PARVA: variants seen among roughly 807,000 people sequenced by gnomAD.
PARVA encodes alpha-parvin.
A neutral mutation model predicts 52.6 loss-of-function variants in PARVA; 25 were observed. That is an observed-to-expected ratio of 0.48 (90% confidence interval 0.35 to 0.66). PARVA has a LOEUF of 0.66. PARVA is among the 30% of genes least tolerant of loss of function. PARVA has a pLI of 0.01. For missense variants in PARVA, 373 were observed against 450.9 expected (o/e 0.83, Z 1.56); for synonymous variants, 185 against 179.1 (o/e 1.03, Z -0.26).
intron 4 of PARVA, among the ~76,000 whole-genome samples, chr11:12,491,240 G>A (rs561420840): frequency 1.3e-5 from 2 of 152,286 alleles, no homozygotes; most frequent in South Asian, 4.1e-4. Flanking sequence ...ACAGCCGACT[G>A]TAGCCTCTAC....
At chr11:12,443,663 T>C (rs922752366) in intron 1 of PARVA, among the ~76,000 whole-genome samples, 1 of 151,354 alleles carries the variant, frequency 6.6e-6, no homozygotes, top group African/African-American at 2.4e-5. Context: ...CAACCATGTT[T>C]CTAGGCTCTG....
At chr11:12,410,284 A>G (rs1046429797) in intron 1 of PARVA, among the ~76,000 whole-genome samples, 11 of 152,146 alleles carry the variant, frequency 7.2e-5, no homozygotes, top group African/African-American at 2.2e-4. Context: ...CCTCATCTTC[A>G]GGGCTCAGCC....
rs1195269110 is a variant in PARVA at position 12,423,350 on chromosome 11, TG to T, written c.136+45568del. Among the ~76,000 whole-genome samples the T allele has an allele frequency of 1.1e-3, 135 of 127,140 alleles. 2 individuals are homozygous for T. Among genetic ancestry groups the T allele is most frequent in the African/African-American group, 2.9e-3 (100 of 34,434 alleles). The allele number at this position is 127,140 out of a possible 152,430, so 83.4% of individuals were successfully genotyped here. ...TGCGCCACCATGCGTGGCTAATTTTTGTTTTTTTTTTTTTTTTTTTGGTAGA... is the reference window on the plus strand; with the variant it reads ...TGCGCCACCATGCGTGGCTAATTTTTTTTTTTTTTTTTTTTTTTTGGTAGA... On this transcript the variant is annotated intron_variant, in intron 1 of 12. Transcript: ENST00000334956.
rs75172314 is a variant in PARVA, at chr11:12,532,273, C to T, written c.*4348C>T. ...AAATGTTAGATGAAAAAAAAAGTCACGTTTAAATATGTTTAGGAAACATGA... is the reference window on the plus strand; with the variant it reads ...AAATGTTAGATGAAAAAAAAAGTCATGTTTAAATATGTTTAGGAAACATGA... On this transcript the variant is annotated 3_prime_UTR_variant, in exon 13 of 13. Transcript: ENST00000334956. Among the ~76,000 whole-genome samples the T allele has an allele frequency of 6.6e-6, 1 of 152,060 alleles. No individual in the cohort carries two copies. The highest frequency in any genetic ancestry group is 6.5e-5 in the Admixed American group (1 of 15,272).
rs182419370 is a variant in PARVA at position 12,491,707 on chromosome 11, A to T, written c.401-4751A>T. ...ACTTTTGTATATCAAATATTTAAAAATTTAAAATGATAATCATTACTTCAA... is the reference window on the plus strand; with the variant it reads ...ACTTTTGTATATCAAATATTTAAAATTTTAAAATGATAATCATTACTTCAA... On this transcript the variant is annotated intron_variant, in intron 4 of 12. Coordinates refer to ENST00000334956, the MANE Select transcript of PARVA (RefSeq NM_018222.5). Among the ~76,000 whole-genome samples, 10 of 152,348 alleles carry T rather than the reference A, an allele frequency of 6.6e-5. No homozygotes were observed. The East Asian group carries it at 1.9e-3, about 29-fold the overall frequency.
intron 1 of PARVA, among the ~76,000 whole-genome samples, chr11:12,424,204 C>G (rs960743960): frequency 2.7e-4 from 41 of 152,162 alleles, no homozygotes; most frequent in African/African-American, 7.9e-4. Context: ...TTGTGAATAG[C>G]ACCATTTTTC....
At chr11:12,497,707 G>C (rs1941315239) in intron 5 of PARVA, among the ~76,000 whole-genome samples, 1 of 152,200 alleles carries the variant, frequency 6.6e-6, no homozygotes, top group Admixed American at 6.5e-5. Flanking sequence ...GCCGTGCCCT[G>C]GGCCCTAGAT....
Position 12,508,636 on chromosome 11 carries a change from A to C in PARVA, c.710A>C (p.Asn237Thr), listed in dbSNP as rs568850664. Residue 237 changes from asparagine to threonine, a missense_variant, in exon 7 of 13, where the codon AAC (asparagine) becomes ACC (threonine). By Grantham distance (65) the Asn-to-Thr change is moderately conservative. Coordinates refer to ENST00000334956, the MANE Select transcript of PARVA (RefSeq NM_018222.5). ...CAAATCCAAGAGGAAATAACTGGTA[A>C]CACAGAGTATGTCAACACCATTGTT... ...SRQIQEEITG[N>T]TEALSGRHER... 6.2e-7 allele frequency: 1 copy of C among 1,606,138 alleles called. No homozygotes were observed. Among genetic ancestry groups the C allele is most frequent in the Admixed American group, 1.7e-5 (1 of 59,082 alleles).
chr11:12,401,669 T>C (rs1343364388), intron 1 of PARVA, among the ~76,000 whole-genome samples: 1 of 152,202 alleles, frequency 6.6e-6, no homozygotes, highest in Non-Finnish European at 1.5e-5. Flanking sequence ...TGAAATGCAT[T>C]CACGTCCCCC....
At chr11:12,405,295 TTGAG>T (rs1367125063) in intron 1 of PARVA, among the ~76,000 whole-genome samples, 1 of 152,174 alleles carries the variant, frequency 6.6e-6, no homozygotes, top group African/African-American at 2.4e-5. Context: ...CCATATACCT[TTGAG>T]TGGGCATTGA....
In PARVA at chr11:12,498,732, G is replaced by A. The variant is rs552413831; in HGVS notation, c.541+2134G>A. Among the ~76,000 whole-genome samples the A allele has an allele frequency of 3.2e-4, 48 of 151,910 alleles. No individual in the cohort carries two copies. In the South Asian group the frequency reaches 9.6e-3, roughly 30 times the overall value. ...TGGGATTACAGGGATGCCCCACCAC[G>A]CCCACCTAACTTTCGTATTTTTAGT... On this transcript the variant is annotated intron_variant, in intron 5 of 12. Transcript: ENST00000334956.
chr11:12,466,596 G>A (rs1313878473), intron 1 of PARVA, among the ~76,000 whole-genome samples: 7 of 152,052 alleles, frequency 4.6e-5, no homozygotes, highest in Non-Finnish European at 8.8e-5. Context: ...AAGCCACCAC[G>A]CCCGGCCTGT....
Position 12,529,897 on chromosome 11 carries a change from CTAAA to C in PARVA, c.*1975_*1978del, listed in dbSNP as rs1169300777. 1 of 152,096 alleles carries C rather than the reference CTAAA, an allele frequency of 6.6e-6. No individual in the cohort carries two copies. The highest frequency in any genetic ancestry group is 1.5e-5 in the Non-Finnish European group (1 of 68,026). The allele number at this position is 152,096 out of a possible 1,614,324, so 9.4% of individuals were successfully genotyped here. On this transcript the variant is annotated 3_prime_UTR_variant, in exon 13 of 13. Transcript: ENST00000334956. ...AAATTTTATTTTTTATTAGGAAACA[CTAAA>C]TAGTGTAATATTTCTTTTGCTTTTA...
chr11:12,491,266 GAA>G (rs1385199214), intron 4 of PARVA, among the ~76,000 whole-genome samples: 1 of 152,182 alleles, frequency 6.6e-6, no homozygotes, highest in Non-Finnish European at 1.5e-5. Context: ...AGGCTCAAAA[GAA>G]ATCCTCCCAT....
At chr11:12,438,999 C>T (rs1287344055) in intron 1 of PARVA, among the ~76,000 whole-genome samples, 1 of 152,156 alleles carries the variant, frequency 6.6e-6, no homozygotes, top group Non-Finnish European at 1.5e-5. Flanking sequence ...AGGGTAGGTA[C>T]TGTAGTGCCT....
intron 4 of PARVA, among the ~76,000 whole-genome samples, chr11:12,489,176 GAA>G (rs1170298590): frequency 1.4e-5 from 2 of 147,938 alleles, no homozygotes; most frequent in Non-Finnish European, 3.0e-5. Context: ...AAAAAAAAAA[GAA>G]AAAGAAAAAA....
chr11:12,515,842 C>T (rs1055702751), intron 10 of PARVA, among the ~76,000 whole-genome samples: 2 of 152,000 alleles, frequency 1.3e-5, no homozygotes, highest in East Asian at 3.9e-4. Flanking sequence ...GAGGAGCTAC[C>T]CTTTTGTTTT....
chr11:12,483,030 A>G (rs780305157), intron 4 of PARVA, among the ~76,000 whole-genome samples: 38 of 152,216 alleles, frequency 2.5e-4, no homozygotes, highest in Non-Finnish European at 5.4e-4. Flanking sequence ...GTGTTCTCCA[A>G]TTGTGAGCTC....
chr11:12,476,326 T>C (rs1941013764), intron 3 of PARVA, among the ~76,000 whole-genome samples: 1 of 152,102 alleles, frequency 6.6e-6, no homozygotes, highest in Non-Finnish European at 1.5e-5. Flanking sequence ...GGTCAACTCC[T>C]AGTTTAAGAG....
Sources: gnomAD v4.1 joint callset for allele counts (sites outside exome capture counted in the v4.1 genomes callset) on GRCh38, gnomAD v4.1.1 for gene constraint, MANE v1.5 for transcripts, NCBI Gene and HGNC (gene_info 2026-07-23, HGNC 2026-07-21) for gene names.